The following THEMIS variants were observed in gnomAD, a reference collection of about 807,000 sequenced individuals.
THEMIS encodes thymocyte selection associated.
In THEMIS, 37 loss-of-function variants were observed where a neutral mutation model predicts 52.6. The observed-to-expected ratio is 0.70, with a 90% CI of 0.54 to 0.93. The LOEUF (loss-of-function observed/expected upper bound fraction) is 0.93. Ranked by LOEUF, THEMIS falls within the 40% of genes least tolerant of loss-of-function variation. THEMIS has a pLI of 0.00. For missense variants in THEMIS, 808 were observed against 763.1 expected, an observed-to-expected ratio of 1.06 and a Z score of -0.69; for synonymous variants, 292 against 272.7, an observed-to-expected ratio of 1.07 and a Z score of -0.70.
intron 2 of THEMIS, among the ~76,000 whole-genome samples, chr6:127,845,052 G>C (rs1248693871): frequency 6.8e-6 from 1 of 147,518 alleles, no homozygotes; most frequent in Non-Finnish European, 1.5e-5. Context: ...TCAAATTTTA[G>C]TAAAAAAAAA....
At chr6:127,757,170 G>A (rs1329534435) in intron 4 of THEMIS, among the ~76,000 whole-genome samples, 1 of 152,130 alleles carries the variant, frequency 6.6e-6, no homozygotes, top group Non-Finnish European at 1.5e-5. Flanking sequence ...TAATTTAAAT[G>A]TTAGAAGCCC....
chr6:127,794,998 C>T (rs141573130), intron 4 of THEMIS, among the ~76,000 whole-genome samples: 15 of 152,198 alleles, frequency 9.9e-5, no homozygotes, highest in African/African-American at 2.9e-4. Context: ...AAAGACTTGA[C>T]GGAAAGCAGA....
chr6:127,720,225 T>A lies in THEMIS; in HGVS notation c.1759-402A>T, dbSNP rs563671841. On this transcript the variant is annotated intron_variant, in intron 4 of 5. Transcript: ENST00000368248. The stretch of plus-strand genomic sequence containing the variant: ...ATCAAAAGCAGATTTCATTTCTGTA[T>A]CATCTGTACTCTTTATATAAAACAA... 2.1e-3 allele frequency among the ~76,000 whole-genome samples: 322 copies of A among 152,112 alleles called. 1 individual carries two copies. Among genetic ancestry groups the A allele is most frequent in the Non-Finnish European group, 3.8e-3 (255 of 67,920 alleles).
At chr6:127,864,947 G>A (rs1364936909) in intron 1 of THEMIS, among the ~76,000 whole-genome samples, 2 of 152,138 alleles carry the variant, frequency 1.3e-5, no homozygotes, top group Admixed American at 1.3e-4. Flanking sequence ...TCAGGCACAG[G>A]TTTCCAATTG....
At chr6:127,755,930 G>C (rs562126749) in intron 4 of THEMIS, among the ~76,000 whole-genome samples, 3 of 151,872 alleles carry the variant, frequency 2.0e-5, no homozygotes, top group Non-Finnish European at 4.4e-5. Flanking sequence ...AGGAGACTGA[G>C]AAAGAAGAAT....
rs1463838421 is a variant in THEMIS, at chr6:127,746,964, C to A, written c.1759-27141G>T. Among the ~76,000 whole-genome samples, 15 of 74,218 alleles carry A rather than the reference C, an allele frequency of 2.0e-4. 1 individual carries two copies. In the East Asian group the frequency reaches 4.5e-3, roughly 22 times the overall value. 48.7% of individuals were successfully genotyped at this position (74,218 alleles called of 152,430 possible). A position where few individuals can be genotyped will look rare whatever the true frequency, so the allele number is the denominator to read the frequency against. On this transcript the variant is annotated intron_variant, in intron 4 of 5. Coordinates refer to ENST00000368248, the MANE Select transcript of THEMIS (RefSeq NM_001010923.3). ...ATTATATATAATTATATATAGATAT[C>A]TATAATTATATTATATATAATTATA...
intron 4 of THEMIS, among the ~76,000 whole-genome samples, chr6:127,784,645 G>A (rs529705344): frequency 6.6e-6 from 1 of 152,200 alleles, no homozygotes; most frequent in East Asian, 1.9e-4. Flanking sequence ...AAGCAGAAAT[G>A]TTTCTTTTGT....
chr6:127,727,169 T>C (rs1562217541), intron 4 of THEMIS, among the ~76,000 whole-genome samples: 1 of 152,198 alleles, frequency 6.6e-6, no homozygotes, highest in Non-Finnish European at 1.5e-5. Context: ...ATAAATCTTC[T>C]TCCTTATTTT....
At chr6:127,711,919 A>T (rs773550828) in intron 5 of THEMIS, among the ~76,000 whole-genome samples, 7 of 151,976 alleles carry the variant, frequency 4.6e-5, no homozygotes, top group Non-Finnish European at 1.0e-4. Context: ...ATTTTGAGGA[A>T]TCTCTGAATT....
intron 1 of THEMIS, among the ~76,000 whole-genome samples, chr6:127,899,543 T>A (rs1381207325): frequency 6.6e-6 from 1 of 151,888 alleles, no homozygotes; most frequent in Non-Finnish European, 1.5e-5. Context: ...GGAAATCAGG[T>A]GAACTGTATA....
intron 4 of THEMIS, among the ~76,000 whole-genome samples, chr6:127,780,212 T>C (rs932549061): frequency 5.3e-5 from 8 of 152,166 alleles, no homozygotes; most frequent in Non-Finnish European, 1.5e-5. Context: ...AGAGACTATG[T>C]TTGCAGGCCC....
upstream of THEMIS, among the ~76,000 whole-genome samples, chr6:127,901,993 G>T (rs1392036401): frequency 6.6e-6 from 1 of 151,876 alleles, no homozygotes; most frequent in Admixed American, 6.6e-5. Flanking sequence ...TACAATTAAA[G>T]GTGGTAGTTC....
upstream of THEMIS, among the ~76,000 whole-genome samples, chr6:127,901,806 T>G (rs1271807192): frequency 6.6e-6 from 1 of 152,056 alleles, no homozygotes; most frequent in Admixed American, 6.6e-5. Context: ...AAGAGTCCAA[T>G]AAATTTTATA....
chr6:127,784,953 ATC>A (rs1776875261), intron 4 of THEMIS, among the ~76,000 whole-genome samples: 1 of 8,032 alleles, frequency 1.2e-4, no homozygotes, highest in Non-Finnish European at 4.2e-4. Context: ...CAGTCACACT[ATC>A]TATCTATCTA....
intron 4 of THEMIS, among the ~76,000 whole-genome samples, chr6:127,782,037 C>T (rs1054234103): frequency 1.3e-5 from 2 of 152,144 alleles, no homozygotes; most frequent in African/African-American, 4.8e-5. Flanking sequence ...AGCAGCTTTG[C>T]CAAGCTGCAG....
At chr6:127,748,610 T>G (rs958184087) in intron 4 of THEMIS, among the ~76,000 whole-genome samples, 3 of 152,022 alleles carry the variant, frequency 2.0e-5, no homozygotes, top group African/African-American at 7.2e-5. Context: ...AGGAGACAGT[T>G]AAATCGTAAC....
At chr6:127,741,313 T>C (rs1775194555) in intron 4 of THEMIS, among the ~76,000 whole-genome samples, 2 of 152,232 alleles carry the variant, frequency 1.3e-5, no homozygotes, top group Non-Finnish European at 2.9e-5. Flanking sequence ...TAATTATTTT[T>C]ATTTTTCTTG....
chr6:127,754,168 AG>A (rs1775742526), intron 4 of THEMIS, among the ~76,000 whole-genome samples: 1 of 152,198 alleles, frequency 6.6e-6, no homozygotes, highest in Non-Finnish European at 1.5e-5. Flanking sequence ...TTATACAAGT[AG>A]TCACAACTTA....
intron 1 of THEMIS, among the ~76,000 whole-genome samples, chr6:127,888,169 G>A (rs994538213): frequency 1.6e-4 from 25 of 152,218 alleles, no homozygotes; most frequent in Admixed American, 3.9e-4. Context: ...GTATGGCTAG[G>A]AGGAGAAGCA....
Sources: allele counts gnomAD v4.1 joint callset (sites outside exome capture counted in the v4.1 genomes callset), GRCh38; gene constraint gnomAD v4.1.1; transcripts MANE v1.5; gene names NCBI Gene and HGNC (gene_info 2026-07-23, HGNC 2026-07-21).